Variants in PRORP observed in about 807,000 individuals in gnomAD.
PRORP encodes the protein mitochondrial ribonuclease P catalytic subunit.
A neutral mutation model predicts 59.4 loss-of-function variants in PRORP; 51 were observed. The observed-to-expected ratio is 0.86, with a 90% confidence interval of 0.69 to 1.08. The LOEUF is 1.08. Ranked by LOEUF, PRORP falls within the 50% of genes least tolerant of loss-of-function variation. PRORP has a pLI of 0.00. For missense variants in PRORP, 646 were observed against 690.3 expected (o/e 0.94, Z 0.72); for synonymous variants, 231 against 245.6 (o/e 0.94, Z 0.55).
At chr14:35,154,993 C>T (rs2047876628) in intron 4 of PRORP, among the ~76,000 whole-genome samples, 1 of 152,146 alleles carries the variant, frequency 6.6e-6, no homozygotes, top group Non-Finnish European at 1.5e-5. Flanking sequence ...CTCCCGGGCT[C>T]AGGTGATCAT....
intron 4 of PRORP, among the ~76,000 whole-genome samples, chr14:35,138,526 G>A (rs1225568035): frequency 6.9e-6 from 1 of 144,144 alleles, no homozygotes; most frequent in Non-Finnish European, 1.5e-5. Flanking sequence ...ATAAACCAAG[G>A]AATAATTATT....
intron 4 of PRORP, among the ~76,000 whole-genome samples, chr14:35,175,227 G>A (rs971767588): frequency 6.6e-6 from 1 of 152,118 alleles, no homozygotes; most frequent in African/African-American, 2.4e-5. Flanking sequence ...CTTTATAGCA[G>A]CATGATTTAT....
At chr14:35,158,371 A>C (rs1328193994) in intron 4 of PRORP, 2 of 297,748 alleles carry the variant, frequency 6.7e-6, no homozygotes, top group East Asian at 8.3e-5. Context: ...CTTTACCAAC[A>C]CCCCAAGGAT....
intron 5 of PRORP, among the ~76,000 whole-genome samples, chr14:35,213,180 T>G (rs1349158742): frequency 6.6e-6 from 1 of 152,232 alleles, no homozygotes; most frequent in African/African-American, 2.4e-5. Flanking sequence ...TGGTTTTGTC[T>G]TCTACCCAGG....
At position 35,145,771 on chromosome 14, in the gene PRORP, T is replaced by TG. The variant is rs1186406353; in HGVS notation, c.1167+18161dup. Reference sequence around the variant, plus strand: ...AAGGAAGGAAGGAAACAGCCCACCATGATCCATTCATTTTGAACTTTAATT... The same window carrying TG: ...AAGGAAGGAAGGAAACAGCCCACCATGGATCCATTCATTTTGAACTTTAATT... On this transcript the variant is annotated intron_variant, in intron 4 of 7. Coordinates refer to ENST00000534898, the MANE Select transcript of PRORP (RefSeq NM_014672.4). 8.4e-5 allele frequency among the ~76,000 whole-genome samples: 12 copies of TG among 142,768 alleles called. 1 individual carries two copies. The highest frequency in any genetic ancestry group is 2.9e-4 in the African/African-American group (12 of 40,834). The allele number at this position is 142,768 out of a possible 152,430, so 93.7% of individuals were successfully genotyped here.
chr14:35,267,701 A>T (rs1044056013), intron 6 of PRORP, among the ~76,000 whole-genome samples: 25 of 152,202 alleles, frequency 1.6e-4, no homozygotes, highest in African/African-American at 5.8e-4. Flanking sequence ...GAATGGCGTG[A>T]ACCCGGGAGG....
In PRORP at chr14:35,263,449, G is replaced by A. The variant is rs146619890; in HGVS notation, c.1276-3278G>A. On this transcript the variant is annotated intron_variant, in intron 5 of 7. Coordinates refer to ENST00000534898, the MANE Select transcript of PRORP (RefSeq NM_014672.4). ...CGCCTGTAATCCCAGCACTTTGCTA[G>A]GCTGAGGTGGGTGGATCACCTGAGG... 2.4e-4 allele frequency among the ~76,000 whole-genome samples: 37 copies of A among 152,334 alleles called. No individual in the cohort carries two copies. The East Asian group carries it at 4.8e-3, about 20-fold the overall frequency.
chr14:35,142,370 T>G, intron 4 of PRORP, among the ~76,000 whole-genome samples: 2 of 134,540 alleles, frequency 1.5e-5, no homozygotes. Context: ...TTCCAAGAGA[T>G]GACGCCTTGC....
At chr14:35,133,677 G>A (rs2047305390) in intron 4 of PRORP, among the ~76,000 whole-genome samples, 1 of 152,172 alleles carries the variant, frequency 6.6e-6, no homozygotes, top group Admixed American at 6.5e-5. Flanking sequence ...CTTGGGTGTT[G>A]TGATCTAAGT....
At chr14:35,210,446 G>GT (rs2049409022) in intron 5 of PRORP, among the ~76,000 whole-genome samples, 1 of 151,898 alleles carries the variant, frequency 6.6e-6, no homozygotes, top group African/African-American at 2.4e-5. Flanking sequence ...CATCTTGGTT[G>GT]TTTTTTGTTT....
chr14:35,122,165 GA>G (rs1044537233), upstream of PRORP: 45 of 576,228 alleles, frequency 7.8e-5, no homozygotes, highest in East Asian at 1.1e-3. Flanking sequence ...CTGACTGGGG[GA>G]AAAAACTATG....
chr14:35,224,268 A>G (rs2138459441), intron 5 of PRORP, among the ~76,000 whole-genome samples: 1 of 152,352 alleles, frequency 6.6e-6, no homozygotes, highest in Non-Finnish European at 1.5e-5. Flanking sequence ...ATTCTCTATC[A>G]TAGGAGCCAA....
chr14:35,169,458 G>GAGGTTTAATTGACTCA (rs59714386), intron 4 of PRORP, among the ~76,000 whole-genome samples: 27,823 of 151,860 alleles, frequency 0.18, 2,795 homozygotes, highest in Admixed American at 0.26. Context: ...ACAAAGAAAA[G>GAGGTTTAATTGACTCA]AGGTTTAATT....
At chr14:35,236,546 A>T (rs925727208) in intron 5 of PRORP, among the ~76,000 whole-genome samples, 2 of 152,184 alleles carry the variant, frequency 1.3e-5, no homozygotes, top group African/African-American at 2.4e-5. Context: ...GCCAGTTTTG[A>T]TGAACATATT....
At chr14:35,243,254 C>T (rs1451326770) in intron 5 of PRORP, among the ~76,000 whole-genome samples, 3 of 152,130 alleles carry the variant, frequency 2.0e-5, no homozygotes, top group Middle Eastern at 3.4e-3. Flanking sequence ...GGACAGGACC[C>T]GGTATGGTGG....
At position 35,152,175 on chromosome 14, in the gene PRORP, A is replaced by G. The variant is rs575611850; in HGVS notation, c.1167+24564A>G. On this transcript the variant is annotated intron_variant, in intron 4 of 7. Coordinates refer to ENST00000534898, the MANE Select transcript of PRORP (RefSeq NM_014672.4). ...CCTTCAAGCATCTGTTTAACAAAGC[A>G]CATCTTGCACCGCCCTTAATCCATT... Among the ~76,000 whole-genome samples, 692 of 152,272 alleles carry G rather than the reference A, an allele frequency of 4.5e-3. 2 individuals carry two copies. The highest frequency in any genetic ancestry group is 0.015 in the African/African-American group (644 of 41,556).
Position 35,188,959 on chromosome 14 carries a change from A to AG in PRORP, c.1275+8182_1275+8183insG, listed in dbSNP as rs1413894441. Among the ~76,000 whole-genome samples, 17 of 138,002 alleles carry AG rather than the reference A, an allele frequency of 1.2e-4. 2 individuals are homozygous for AG. Among genetic ancestry groups the AG allele is most frequent in the Admixed American group, 1.5e-4 (2 of 12,946 alleles). The allele number at this position is 138,002 out of a possible 152,430, so 90.5% of individuals were successfully genotyped here. A position where few individuals can be genotyped will look rare whatever the true frequency, so the allele number is the denominator to read the frequency against. Reference sequence around the variant, plus strand: ...CTCTGTCTAAAAAAAAAAAAAAAAAAAAAAAGTATTGCCTAATCCAAGGTC... The same window carrying AG: ...CTCTGTCTAAAAAAAAAAAAAAAAAAGAAAAAGTATTGCCTAATCCAAGGTC... On this transcript the variant is annotated intron_variant, in intron 5 of 7. Transcript: ENST00000534898.
chr14:35,255,536 C>G (rs1353791146), intron 5 of PRORP, among the ~76,000 whole-genome samples: 1 of 152,152 alleles, frequency 6.6e-6, no homozygotes, highest in Admixed American at 6.6e-5. Context: ...TTCAATTCAT[C>G]AGGACCATTA....
At chr14:35,202,971 T>C (rs930667757) in intron 5 of PRORP, among the ~76,000 whole-genome samples, 10 of 152,192 alleles carry the variant, frequency 6.6e-5, no homozygotes, top group Non-Finnish European at 1.5e-4. Flanking sequence ...ATAGCACCAG[T>C]TACCTCCAAA....
Sources: gnomAD v4.1 joint callset for allele counts (sites outside exome capture counted in the v4.1 genomes callset) on GRCh38, gnomAD v4.1.1 for gene constraint, MANE v1.5 for transcripts, NCBI Gene and HGNC (gene_info 2026-07-23, HGNC 2026-07-21) for gene names.